The following ZFP69 variants were observed in gnomAD, a reference collection of about 807,000 sequenced individuals.
The protein encoded by ZFP69 is ZFP69 zinc finger protein.
In ZFP69, 35 loss-of-function variants were observed where a neutral mutation model predicts 48.9. The observed-to-expected ratio is 0.72, with a 90% confidence interval of 0.55 to 0.95. The LOEUF (loss-of-function observed/expected upper bound fraction) is 0.95. Ranked by LOEUF, ZFP69 falls within the 40% of genes least tolerant of loss-of-function variation. The pLI, the probability that ZFP69 is intolerant of heterozygous loss-of-function variation, is 0.00. For missense variants in ZFP69, 557 were observed against 638.4 expected (o/e 0.87, Z 1.37); for synonymous variants, 193 against 216.8 (o/e 0.89, Z 0.96).
At position 40,479,330 on chromosome 1, in the gene ZFP69, C is replaced by G; in HGVS notation, c.-32C>G. 6.2e-7 allele frequency: 1 copy of G among 1,611,922 alleles called. No homozygotes were observed. The highest frequency in any genetic ancestry group is 8.5e-7 in the Non-Finnish European group (1 of 1,179,074). ...CAAGAGCTTCTGGCAATTTCCTCAC[C>G]AGAAGTGGACAAGTCCAGTAAGGCA... On this transcript the variant is annotated 5_prime_UTR_variant, in exon 2 of 6. Transcript: ENST00000372706.
intron 3 of ZFP69, among the ~76,000 whole-genome samples, chr1:40,485,660 TG>T (rs1645489199): frequency 6.6e-6 from 1 of 152,184 alleles, no homozygotes; most frequent in South Asian, 2.1e-4. Flanking sequence ...TCTTATAATG[TG>T]GGTGTTCTGG....
intron 3 of ZFP69, 36 bp from the exon 4 acceptor site, chr1:40,489,052 G>A (rs914910444): frequency 1.2e-6 from 2 of 1,613,018 alleles, no homozygotes; most frequent in East Asian, 4.5e-5. Flanking sequence ...AACAGAGGTG[G>A]TCTCCGGCTA....
intron 5 of ZFP69, 124 bp downstream of exon 5, chr1:40,489,748 C>G (rs967288289): frequency 4.9e-5 from 31 of 638,604 alleles, no homozygotes; most frequent in Middle Eastern, 4.4e-4. Flanking sequence ...AAGCATGGCA[C>G]TGGCATCTGC....
rs1435340814 is a variant in ZFP69 at position 40,495,844 on chromosome 1, A to C, written c.1366A>C (p.Asn456His). 8 of 1,614,124 alleles carry C rather than the reference A, an allele frequency of 5.0e-6. No individual in the cohort carries two copies. The highest frequency in any genetic ancestry group is 4.0e-5 in the African/African-American group (3 of 74,954). ...KAFRQRIHLS[N>H]HKTVHTGVKA... is the part of the protein sequence containing the mutation. ...CTTTAGGCAGAGGATACACCTTAGC[A>C]ACCATAAAACTGTTCATACAGGAGT... The change falls in exon 6 of 6, where the codon AAC becomes CAC. Residue 456 changes from asparagine (N) to histidine (H), a missense_variant. Transcript: ENST00000372706.
At chr1:40,489,859 T>C (rs1645546009) in intron 5 of ZFP69, among the ~76,000 whole-genome samples, 3 of 136,198 alleles carry the variant, frequency 2.2e-5, no homozygotes, top group Non-Finnish European at 4.7e-5. Context: ...AGGCTCTTTT[T>C]CTTTTTCTTT....
chr1:40,478,356 A>G (rs1395816646), intron 1 of ZFP69, among the ~76,000 whole-genome samples: 2 of 152,094 alleles, frequency 1.3e-5, no homozygotes, highest in Non-Finnish European at 2.9e-5. Context: ...AGTAGTCCTC[A>G]TTATACTAAA....
At position 40,495,357 on chromosome 1, in the gene ZFP69, T is replaced by C. The variant is rs1645620463; in HGVS notation, c.879T>C (p.His293=). Residue 293 remains histidine (H), a synonymous_variant, in exon 6 of 6, where the codon CAT becomes CAC. Transcript: ENST00000372706. ...ACCTTACTGAACATATGAGAATTCA[T>C]ACTGGTGAGAAACCTTTCAGATGTA... ...PIHLTEHMRI[H]TGEKPFRCKE... 1.2e-6 allele frequency: 2 copies of C among 1,614,098 alleles called. No homozygotes were observed. Among genetic ancestry groups the C allele is most frequent in the African/African-American group, 1.3e-5 (1 of 74,948 alleles).
chr1:40,481,644 C>T, intron 2 of ZFP69, 119 bp from the exon 3 acceptor site: 1 of 702,810 alleles, frequency 1.4e-6, no homozygotes, highest in Non-Finnish European at 2.4e-6. Flanking sequence ...GAGTCACTCT[C>T]AGTGTCCCTC....
intron 4 of ZFP69, 51 bp downstream of exon 4, chr1:40,489,265 C>A: frequency 6.3e-7 from 1 of 1,590,836 alleles, no homozygotes. Flanking sequence ...ACAGGAGAGT[C>A]ATTATTTTAA....
chr1:40,488,852 G>A (rs930425715), intron 3 of ZFP69, among the ~76,000 whole-genome samples: 3 of 152,050 alleles, frequency 2.0e-5, no homozygotes, highest in Non-Finnish European at 2.9e-5. Context: ...ATCACCATCT[G>A]TCTTTCTATA....
intron 5 of ZFP69, among the ~76,000 whole-genome samples, chr1:40,490,544 T>A (rs138286577): frequency 5.4e-4 from 82 of 152,272 alleles, no homozygotes; most frequent in African/African-American, 1.9e-3. Context: ...TCATTAAGGT[T>A]GAGCTGGATT....
At chr1:40,478,098 C>A (rs1408894307) in intron 1 of ZFP69, among the ~76,000 whole-genome samples, 2 of 150,402 alleles carry the variant, frequency 1.3e-5, no homozygotes, top group Admixed American at 1.3e-4. Context: ...CTAGAACACA[C>A]GCAGCTCCTG....
Position 40,477,839 on chromosome 1 carries a change from G to GA in ZFP69, c.-381dup, listed in dbSNP as rs1361198275. On this transcript the variant is annotated 5_prime_UTR_variant, in exon 1 of 6. Coordinates refer to ENST00000372706, the MANE Select transcript of ZFP69 (RefSeq NM_001320179.2). This position sits in a 1 kb window ranked among gnomAD's most constrained non-coding sequence, Gnocchi z 4.0. ...CACTCTTTACCGCTGAAAACCTCAA[G>GA]AGTGAGCACTCCCACGCCCCCGTCT... 5 of 152,470 alleles carry GA rather than the reference G, an allele frequency of 3.3e-5. No individual in the cohort carries two copies. Among genetic ancestry groups the GA allele is most frequent in the Admixed American group, 1.3e-4 (2 of 15,274 alleles). The allele number at this position is 152,470 out of a possible 1,614,324, so 9.4% of individuals were successfully genotyped here. A position where few individuals can be genotyped will look rare whatever the true frequency, so the allele number is the denominator to read the frequency against.
chr1:40,495,735 C>A lies in ZFP69; in HGVS notation c.1257C>A (p.Thr419=). 1 of 1,614,178 alleles carries A rather than the reference C, an allele frequency of 6.2e-7. No homozygotes were observed. Among genetic ancestry groups the A allele is most frequent in the Non-Finnish European group, 8.5e-7 (1 of 1,180,038 alleles). The change falls in exon 6 of 6, where the codon ACC becomes ACA. Residue 419 remains threonine, a synonymous_variant. Transcript: ENST00000372706. ...KPYACTACCK[T]FSHRAYLTHH... ...ATGCATGCACTGCATGTTGTAAAAC[C>A]TTTAGTCATAGAGCGTATCTAACAC...
intron 3 of ZFP69, among the ~76,000 whole-genome samples, chr1:40,486,861 T>G (rs79424929): frequency 0.057 from 8,745 of 152,202 alleles, 352 homozygotes; most frequent in African/African-American, 0.1. Flanking sequence ...TAATCTACTT[T>G]AAGCCCATCC....
chr1:40,490,224 C>T (rs1645553438), intron 5 of ZFP69, among the ~76,000 whole-genome samples: 1 of 152,062 alleles, frequency 6.6e-6, no homozygotes, highest in African/African-American at 2.4e-5. Flanking sequence ...AACTCATTAC[C>T]ATGGGGAGGA....
At chr1:40,487,908 G>C (rs146165776) in intron 3 of ZFP69, among the ~76,000 whole-genome samples, 1 of 152,064 alleles carries the variant, frequency 6.6e-6, no homozygotes, top group Non-Finnish European at 1.5e-5. Flanking sequence ...TTAGCTGGGC[G>C]TGGTGGCGTG....
At chr1:40,480,380 C>T (rs1327517135) in intron 2 of ZFP69, among the ~76,000 whole-genome samples, 1 of 149,932 alleles carries the variant, frequency 6.7e-6, no homozygotes, top group Non-Finnish European at 1.5e-5. Flanking sequence ...ATTCTCCTGC[C>T]TCAGCCTCCT....
In ZFP69 at chr1:40,477,323, T is replaced by TGCAGCGGGACCGCGTGGGGTGG. The variant is rs1265169026; in HGVS notation, c.-895_-874dup. On this transcript the variant is annotated 5_prime_UTR_variant, in exon 1 of 6. Coordinates refer to ENST00000372706, the MANE Select transcript of ZFP69 (RefSeq NM_001320179.2). This position sits in a 1 kb window ranked among gnomAD's most constrained non-coding sequence, Gnocchi z 4.0. The stretch of plus-strand genomic sequence containing the variant: ...CGGAAGACGCGCGGGTTGTGGCAGC[T>TGCAGCGGGACCGCGTGGGGTGG]GCAGCGGGACCGCGTGGGGTGGGCC... The TGCAGCGGGACCGCGTGGGGTGG allele has an allele frequency of 1.3e-5, 2 of 152,008 alleles. No individual in the cohort carries two copies. The highest frequency in any genetic ancestry group is 1.3e-4 in the Admixed American group (2 of 15,274). The allele number at this position is 152,008 out of a possible 1,614,324, so 9.4% of individuals were successfully genotyped here.
Sources: gnomAD v4.1 joint callset for allele counts (sites outside exome capture counted in the v4.1 genomes callset) on GRCh38, gnomAD v4.1.1 for gene constraint, Gnocchi (gnomAD v3.1) non-coding constraint, MANE v1.5 for transcripts, NCBI Gene and HGNC (gene_info 2026-07-23, HGNC 2026-07-21) for gene names.